The following RRM2 variants were observed in gnomAD, a reference collection of about 807,000 sequenced individuals.
RRM2 encodes the protein ribonucleoside-diphosphate reductase subunit M2.
Under a neutral mutation model 45.9 loss-of-function variants are expected in RRM2, and 6 were observed. That is an observed-to-expected ratio of 0.13 (90% CI 0.07 to 0.26). The LOEUF is 0.26. Ranked by LOEUF, RRM2 falls within the 10% of genes least tolerant of loss-of-function variation. RRM2 has a pLI of 1.00. For missense variants in RRM2, 343 were observed against 489.5 expected (o/e 0.70, Z 2.82); for synonymous variants, 177 against 173.0 (o/e 1.02, Z -0.18).
At chr2:10,167,924 A>G (rs1663716661) in intron 3 of RRM2, among the ~76,000 whole-genome samples, 1 of 152,126 alleles carries the variant, frequency 6.6e-6, no homozygotes, top group East Asian at 1.9e-4. Context: ...AAAGCATGCA[A>G]ACTATAGTGT....
chr2:10,161,944 G>A (rs1346090727), intron 3 of RRM2, among the ~76,000 whole-genome samples: 1 of 152,354 alleles, frequency 6.6e-6, no homozygotes, highest in East Asian at 1.9e-4. Context: ...TGTCCAGGCA[G>A]AAAACCGGGA....
intron 5 of RRM2, among the ~76,000 whole-genome samples, chr2:10,125,075 T>C (rs868360528): frequency 1.3e-5 from 2 of 152,228 alleles, no homozygotes; most frequent in Admixed American, 6.5e-5. Context: ...TGTCTACCAA[T>C]GTAAAACCTT....
chr2:10,194,247 G>A (rs1185266046), intron 3 of RRM2, among the ~76,000 whole-genome samples: 3 of 152,198 alleles, frequency 2.0e-5, no homozygotes, highest in East Asian at 1.9e-4. Context: ...GGGCTCAGTC[G>A]TGGACAAAGG....
intron 3 of RRM2, among the ~76,000 whole-genome samples, chr2:10,151,306 T>A (rs1269667331): frequency 1.2e-5 from 1 of 83,732 alleles, no homozygotes; most frequent in African/African-American, 5.3e-5. Context: ...TTTTTTTTTT[T>A]TTTTTTTTGT....
downstream of RRM2, among the ~76,000 whole-genome samples, chr2:10,132,099 C>G (rs946160703): frequency 1.6e-4 from 24 of 152,180 alleles, no homozygotes; most frequent in African/African-American, 5.6e-4. Flanking sequence ...CTCGGAATCC[C>G]ACCCACTTTG....
intron 3 of RRM2, among the ~76,000 whole-genome samples, chr2:10,206,489 A>G (rs1407126548): frequency 6.6e-6 from 1 of 152,216 alleles, no homozygotes; most frequent in African/African-American, 2.4e-5. Flanking sequence ...TATGAACAAG[A>G]GGTAGAATGC....
intron 3 of RRM2, among the ~76,000 whole-genome samples, chr2:10,209,749 A>C (rs1238073534): frequency 2.6e-5 from 4 of 152,004 alleles, no homozygotes; most frequent in Non-Finnish European, 5.9e-5. Context: ...GGCTTAATAG[A>C]TCCTCCCTGC....
chr2:10,150,629 C>T (rs1663289108), intron 3 of RRM2, among the ~76,000 whole-genome samples: 1 of 151,972 alleles, frequency 6.6e-6, no homozygotes, highest in Non-Finnish European at 1.5e-5. Flanking sequence ...AACCATCAGC[C>T]ACTAGACATC....
rs1323390955 is a variant in RRM2 at position 10,127,268 on chromosome 2, C to T, written c.798+48C>T. On this transcript the variant is annotated intron_variant, in intron 7 of 9. Transcript: ENST00000304567. The surrounding 1 kb of genome is among the most constrained non-coding windows in gnomAD (Gnocchi z 4.1). Reference sequence around the variant, plus strand: ...GGTGACCTAAACCCCAAACACAACTCGGGCATGCTCTTGTGTTCACTGACG... The same window carrying T: ...GGTGACCTAAACCCCAAACACAACTTGGGCATGCTCTTGTGTTCACTGACG... The T allele has an allele frequency of 3.2e-6, 5 of 1,587,248 alleles. No homozygotes were observed. The African/African-American group carries it at 4.0e-5, about 13-fold the overall frequency.
At chr2:10,132,223 C>T (rs565989111), downstream of RRM2, among the ~76,000 whole-genome samples, 46 of 152,354 alleles carry the variant, frequency 3.0e-4, no homozygotes, top group African/African-American at 7.0e-4. Context: ...TGTCAGGTGA[C>T]GTTTTCTACC....
At chr2:10,189,009 A>G (rs774318248) in intron 3 of RRM2, among the ~76,000 whole-genome samples, 5 of 152,198 alleles carry the variant, frequency 3.3e-5, no homozygotes, top group Non-Finnish European at 7.3e-5. Flanking sequence ...TGCCTCCCAC[A>G]CATCAATCAC....
intron 3 of RRM2, among the ~76,000 whole-genome samples, chr2:10,159,610 C>T (rs1345661723): frequency 6.6e-6 from 1 of 152,184 alleles, no homozygotes; most frequent in Admixed American, 6.5e-5. Flanking sequence ...AAGAAAGACT[C>T]CAGGATGACT....
At chr2:10,139,867 C>T (rs185766100), upstream of RRM2, among the ~76,000 whole-genome samples, 6 of 152,340 alleles carry the variant, frequency 3.9e-5, no homozygotes, top group Non-Finnish European at 5.9e-5. Flanking sequence ...CCAATGTTAA[C>T]GGAGCAGGGG....
At chr2:10,208,562 T>C (rs1460419323) in intron 3 of RRM2, among the ~76,000 whole-genome samples, 2 of 152,196 alleles carry the variant, frequency 1.3e-5, no homozygotes, top group Non-Finnish European at 2.9e-5. Flanking sequence ...TGGAAAGTAA[T>C]TGCACGCCAC....
chr2:10,135,014 G>A (rs933810445), downstream of RRM2, among the ~76,000 whole-genome samples: 1 of 152,198 alleles, frequency 6.6e-6, no homozygotes, highest in Non-Finnish European at 1.5e-5. Flanking sequence ...ATGTTTCAAC[G>A]TAAGCCAAAA....
intron 3 of RRM2, among the ~76,000 whole-genome samples, chr2:10,148,198 CCTT>C (rs1400975410): frequency 1.2e-4 from 18 of 149,804 alleles, no homozygotes; most frequent in East Asian, 2.0e-4. Context: ...ACAACTCTCT[CCTT>C]CTTTCTTTTC....
upstream of RRM2, among the ~76,000 whole-genome samples, chr2:10,139,239 G>A (rs893221702): frequency 2.0e-5 from 3 of 152,158 alleles, no homozygotes; most frequent in East Asian, 1.9e-4. Context: ...CCCGTCTGCC[G>A]CCTCAGCCCT....
Position 10,129,404 on chromosome 2 carries a change from C to A in RRM2, c.*18C>A, listed in dbSNP as rs1662851384. The A allele has an allele frequency of 6.3e-7, 1 of 1,577,986 alleles. No homozygotes were observed. Among genetic ancestry groups the A allele is most frequent in the Non-Finnish European group, 8.6e-7 (1 of 1,167,558 alleles). The stretch of plus-strand genomic sequence containing the variant: ...ACTTCTAAATGAACTGAAGATGTGC[C>A]CTTACTTGGCTGATTTTTTTTTTCC... On this transcript the variant is annotated 3_prime_UTR_variant, in exon 10 of 10. Transcript: ENST00000304567. This position sits in a 1 kb window ranked among gnomAD's most constrained non-coding sequence, Gnocchi z 4.8.
chr2:10,128,531 AC>A (rs1662829297), intron 7 of RRM2, among the ~76,000 whole-genome samples: 1 of 152,168 alleles, frequency 6.6e-6, no homozygotes, highest in South Asian at 2.1e-4. Flanking sequence ...CAAAATTAGC[AC>A]TCATGGCTGT....
Sources: gnomAD v4.1 joint callset for allele counts (sites outside exome capture counted in the v4.1 genomes callset) on GRCh38, gnomAD v4.1.1 for gene constraint, Gnocchi (gnomAD v3.1) non-coding constraint, MANE v1.5 for transcripts, NCBI Gene and HGNC (gene_info 2026-07-23, HGNC 2026-07-21) for gene names.